TTLL7: variants seen among roughly 807,000 people sequenced by gnomAD.
TTLL7 encodes tubulin polyglutamylase TTLL7.
In TTLL7, 53 loss-of-function variants were observed where a neutral mutation model predicts 120.2. The ratio of observed to expected loss-of-function variants is 0.44; its 90% CI spans 0.35 to 0.55. The LOEUF (loss-of-function observed/expected upper bound fraction) is 0.55, where lower values mean the gene tolerates loss of function less well. Ranked by LOEUF, TTLL7 falls within the 20% of genes least tolerant of loss-of-function variation. TTLL7 has a pLI of 0.00. For synonymous variants in TTLL7, 353 were observed against 351.7 expected (o/e 1.00, Z -0.04); for missense variants, 803 against 1,054.7 (o/e 0.76, Z 3.31).
intron 1 of TTLL7, among the ~76,000 whole-genome samples, chr1:83,954,184 C>G (rs1295578164): frequency 1.3e-5 from 2 of 152,010 alleles, no homozygotes; most frequent in African/African-American, 4.8e-5. Flanking sequence ...ACTTTAAAAA[C>G]AAGCTTCACC....
chr1:83,905,643 C>T (rs2100760364), intron 17 of TTLL7, among the ~76,000 whole-genome samples: 1 of 151,192 alleles, frequency 6.6e-6, no homozygotes, highest in Admixed American at 6.6e-5. Flanking sequence ...AAACAAGGTT[C>T]TATTACTGAA....
intron 18 of TTLL7, among the ~76,000 whole-genome samples, chr1:83,892,343 T>TATACGAATATATATGAATATAC: frequency 8.0e-6 from 1 of 125,736 alleles, no homozygotes; most frequent in South Asian, 2.4e-4. Context: ...TATGAATATA[T>TATACGAATATATATGAATATAC]ATACGAATAT....
intron 1 of TTLL7, among the ~76,000 whole-genome samples, chr1:83,991,134 T>A (rs1056158276): frequency 5.3e-5 from 8 of 152,168 alleles, no homozygotes; most frequent in Admixed American, 3.3e-4. Flanking sequence ...ATGAGGTATC[T>A]AAAGTGGTCA....
intron 3 of TTLL7, 74 bp from the exon 4 acceptor site, chr1:83,950,060 A>G: frequency 1.5e-6 from 2 of 1,311,776 alleles, no homozygotes; most frequent in Non-Finnish European, 2.1e-6. Flanking sequence ...ACATTTTTCT[A>G]TCTAAACTTT....
Position 83,929,124 on chromosome 1 carries a change from A to G in TTLL7, c.1142+12T>C, listed in dbSNP as rs1266996822. The G allele has an allele frequency of 1.3e-6, 2 of 1,565,672 alleles. No individual in the cohort carries two copies. Among genetic ancestry groups the G allele is most frequent in the East Asian group, 4.6e-5 (2 of 43,664 alleles). ...GGAGATAAATGTCCAAAAGATAGAGAGAGTATTTTACCTTATGTTTAGTAG... is the reference window on the plus strand; with the variant it reads ...GGAGATAAATGTCCAAAAGATAGAGGGAGTATTTTACCTTATGTTTAGTAG... On this transcript the variant is annotated intron_variant, in intron 10 of 20. Coordinates refer to ENST00000260505, the MANE Select transcript of TTLL7 (RefSeq NM_024686.6).
chr1:83,947,923 C>CA lies in TTLL7; in HGVS notation c.348-642dup, dbSNP rs1473774879. Among the ~76,000 whole-genome samples the CA allele has an allele frequency of 5.3e-5, 8 of 151,794 alleles. No homozygotes were observed. The East Asian group carries it at 1.2e-3, about 22-fold the overall frequency. ...CAACTTTCTTAAGTTAAGAAAAAGG[C>CA]AAAAAACCCTAGTCAACAGGAATAT... On this transcript the variant is annotated intron_variant, in intron 5 of 20. Coordinates refer to ENST00000260505, the MANE Select transcript of TTLL7 (RefSeq NM_024686.6).
Position 83,978,701 on chromosome 1 carries a change from C to A in TTLL7, c.-177+20230G>T, listed in dbSNP as rs552856570. On this transcript the variant is annotated intron_variant, in intron 1 of 20. Coordinates refer to ENST00000260505, the MANE Select transcript of TTLL7 (RefSeq NM_024686.6). ...AAGGCTTTCAAAAAAGGAAGAGGTA[C>A]TTTGGCACTTGGAAAAGGAGAAGTA... Among the ~76,000 whole-genome samples, 134 of 152,144 alleles carry A rather than the reference C, an allele frequency of 8.8e-4. 1 individual carries two copies. The highest frequency in any genetic ancestry group is 1.4e-3 in the Non-Finnish European group (97 of 67,984).
At chr1:83,871,666 C>T (rs573850028) in intron 20 of TTLL7, among the ~76,000 whole-genome samples, 4 of 152,000 alleles carry the variant, frequency 2.6e-5, no homozygotes, top group South Asian at 4.2e-4. Flanking sequence ...GAGGCCGAGA[C>T]GGGCGGATCA....
intron 1 of TTLL7, among the ~76,000 whole-genome samples, chr1:83,967,051 G>A (rs1329314216): frequency 1.3e-5 from 2 of 151,934 alleles, no homozygotes; most frequent in East Asian, 3.9e-4. Flanking sequence ...TCTTTTGTAT[G>A]GATGAAAGTA....
intron 10 of TTLL7, among the ~76,000 whole-genome samples, chr1:83,923,797 A>G (rs552223216): frequency 6.6e-6 from 1 of 152,170 alleles, no homozygotes; most frequent in Non-Finnish European, 1.5e-5. Context: ...AAAGATCACC[A>G]TTCATTTAGC....
At chr1:83,997,712 G>A (rs535627508) in intron 1 of TTLL7, among the ~76,000 whole-genome samples, 11 of 152,220 alleles carry the variant, frequency 7.2e-5, no homozygotes, top group South Asian at 2.1e-4. Context: ...CAGTTCAGTC[G>A]CACACCTCAT....
chr1:83,914,323 C>CTTTTTT lies in TTLL7; in HGVS notation c.1588-2966_1588-2961dup, dbSNP rs1171299360. The stretch of plus-strand genomic sequence containing the variant: ...TAAATGTTCTTCCACCTCTCTCTCT[C>CTTTTTT]TTTTTTTTTTTTTTTTTTTTTTTTT... On this transcript the variant is annotated intron_variant, in intron 14 of 20. Transcript: ENST00000260505. Among the ~76,000 whole-genome samples the CTTTTTT allele has an allele frequency of 6.7e-3, 528 of 78,332 alleles. 10 individuals carry two copies. The highest frequency in any genetic ancestry group is 8.9e-3 in the Non-Finnish European group (399 of 44,766). The allele number at this position is 78,332 out of a possible 152,430, so 51.4% of individuals were successfully genotyped here.
At chr1:83,929,975 A>C (rs2100815319) in intron 9 of TTLL7, among the ~76,000 whole-genome samples, 1 of 152,294 alleles carries the variant, frequency 6.6e-6, no homozygotes, top group African/African-American at 2.4e-5. Flanking sequence ...CACAAGAGAC[A>C]AAACAATTGA....
intron 7 of TTLL7, among the ~76,000 whole-genome samples, chr1:83,938,436 T>C (rs1278416912): frequency 6.6e-6 from 1 of 152,204 alleles, no homozygotes. Context: ...GAGCATTCTA[T>C]GGCTTTTCAA....
chr1:83,940,736 TG>T (rs1647875224), intron 7 of TTLL7, among the ~76,000 whole-genome samples: 1 of 152,158 alleles, frequency 6.6e-6, no homozygotes, highest in African/African-American at 2.4e-5. Context: ...CTTCCATATA[TG>T]GTCAGACTAG....
chr1:83,882,566 T>A (rs912463124), intron 20 of TTLL7: 1 of 153,202 alleles, frequency 6.5e-6, no homozygotes, highest in Non-Finnish European at 1.5e-5. Context: ...AGAGGCAAAT[T>A]GAACAATAAA....
chr1:83,944,965 G>A (rs1348282634), intron 6 of TTLL7, among the ~76,000 whole-genome samples: 1 of 152,078 alleles, frequency 6.6e-6, no homozygotes, highest in Non-Finnish European at 1.5e-5. Context: ...AGACGATAAT[G>A]GTAATTCCAG....
At chr1:83,872,172 C>A (rs189557038) in intron 20 of TTLL7, among the ~76,000 whole-genome samples, 27 of 152,154 alleles carry the variant, frequency 1.8e-4, no homozygotes, top group Non-Finnish European at 2.2e-4. Context: ...CATGAATTAT[C>A]TAATAATATC....
chr1:83,970,126 A>G (rs888486243), intron 1 of TTLL7, among the ~76,000 whole-genome samples: 12 of 152,050 alleles, frequency 7.9e-5, no homozygotes, highest in Non-Finnish European at 1.6e-4. Flanking sequence ...AAAATAATCT[A>G]TAGGATTGGC....
Sources: gnomAD v4.1 joint callset for allele counts (sites outside exome capture counted in the v4.1 genomes callset) on GRCh38, gnomAD v4.1.1 for gene constraint, MANE v1.5 for transcripts, NCBI Gene and HGNC (gene_info 2026-07-23, HGNC 2026-07-21) for gene names.